Variants in DCT observed in about 807,000 individuals in gnomAD.
DCT encodes L-dopachrome tautomerase.
In DCT, 47 loss-of-function variants were observed where a neutral mutation model predicts 53.0. The ratio of observed to expected loss-of-function variants is 0.89; its 90% CI spans 0.70 to 1.13. The LOEUF (loss-of-function observed/expected upper bound fraction) is 1.13, where lower values mean the gene tolerates loss of function less well. Among genes scored for constraint, DCT ranks in the 50% most tolerant of loss-of-function variants. The probability of loss-of-function intolerance (pLI) is 0.00; values close to 1 mark genes in which losing one functional copy is unlikely to be tolerated. For missense variants in DCT, 669 were observed against 637.4 expected, an observed-to-expected ratio of 1.05 and a Z score of -0.53; for synonymous variants, 244 against 237.0, an observed-to-expected ratio of 1.03 and a Z score of -0.27.
intron 6 of DCT, among the ~76,000 whole-genome samples, chr13:94,453,540 T>C (rs1291584319): frequency 6.6e-6 from 1 of 152,216 alleles, no homozygotes; most frequent in Non-Finnish European, 1.5e-5. Context: ...TTTAAATGTT[T>C]CACTCTTGGG....
At chr13:94,475,776 T>C (rs980251331) in intron 1 of DCT, among the ~76,000 whole-genome samples, 1 of 152,254 alleles carries the variant, frequency 6.6e-6, no homozygotes, top group African/African-American at 2.4e-5. Flanking sequence ...GCAACACAAC[T>C]GTATAGGTAT....
the DCT span, among the ~76,000 whole-genome samples, chr13:94,503,254 C>G: frequency 6.6e-6 from 1 of 151,934 alleles, no homozygotes; most frequent in South Asian, 2.1e-4. Flanking sequence ...GTGGTGCATG[C>G]CTGTAGTCCC....
chr13:94,470,252 T>G (rs527972408), intron 1 of DCT, among the ~76,000 whole-genome samples: 1 of 152,330 alleles, frequency 6.6e-6, no homozygotes, highest in East Asian at 1.9e-4. Flanking sequence ...TGTCAAGTCC[T>G]CAGGGTGAAT....
rs920683061 is a variant in DCT, at chr13:94,437,903, G to A, written c.*1995C>T. The A allele has an allele frequency of 2.6e-5, 4 of 151,964 alleles. No individual in the cohort carries two copies. The highest frequency in any genetic ancestry group is 2.1e-4 in the South Asian group (1 of 4,820). The allele number at this position is 151,964 out of a possible 1,614,324, so 9.4% of individuals were successfully genotyped here. ...CAGATAAAAGCAGCTAAGTATAATC[G>A]ATTACTATTTTTTCCTACCTAAGAT... On this transcript the variant is annotated 3_prime_UTR_variant, in exon 8 of 8. Transcript: ENST00000377028.
At position 94,438,332 on chromosome 13, in the gene DCT, T is replaced by C. The variant is rs950086746; in HGVS notation, c.*1566A>G. The C allele has an allele frequency of 5.0e-6, 1 of 201,080 alleles. No homozygotes were observed. 12.5% of individuals were successfully genotyped at this position (201,080 alleles called of 1,614,324 possible). ...GCCCAAGCAGGGCTTTACCGGGCTA[T>C]CTTGATCTTCACCACTGAGCCTGCT... is the stretch of plus-strand genomic sequence containing the variant. On this transcript the variant is annotated 3_prime_UTR_variant, in exon 8 of 8. Coordinates refer to ENST00000377028, the MANE Select transcript of DCT (RefSeq NM_001922.5).
At chr13:94,476,925 T>G (rs1197485286) in intron 1 of DCT, among the ~76,000 whole-genome samples, 1 of 152,202 alleles carries the variant, frequency 6.6e-6, no homozygotes. Flanking sequence ...AGAGAAGGTC[T>G]ATAGAAGCAA....
the DCT span, among the ~76,000 whole-genome samples, chr13:94,537,302 C>A: frequency 1.3e-5 from 2 of 152,206 alleles, no homozygotes; most frequent in African/African-American, 4.8e-5. Flanking sequence ...GTTCTTCAAA[C>A]CTTCCATTTA....
chr13:94,468,564 C>G, intron 2 of DCT, 182 bp downstream of exon 2: 1 of 617,524 alleles, frequency 1.6e-6, no homozygotes, highest in Non-Finnish European at 2.9e-6. Flanking sequence ...ATCCAATGCA[C>G]AGGAAGAAAC....
chr13:94,451,679 T>C (rs971058928), intron 6 of DCT, among the ~76,000 whole-genome samples: 6 of 152,094 alleles, frequency 3.9e-5, no homozygotes, highest in African/African-American at 1.4e-4. Context: ...AATAGGACAT[T>C]CTCCTCACAA....
chr13:94,531,369 C>T, the DCT span, among the ~76,000 whole-genome samples: 1 of 152,218 alleles, frequency 6.6e-6, no homozygotes. Context: ...CTGGAGGCAT[C>T]AGGCTACCTG....
At chr13:94,490,533 A>C in the DCT span, among the ~76,000 whole-genome samples, 2 of 141,814 alleles carry the variant, frequency 1.4e-5, no homozygotes, top group Admixed American at 7.1e-5. Flanking sequence ...AAAAAAAAAC[A>C]ACTAACCATG....
At chr13:94,488,764 ACACACG>A in the DCT span, among the ~76,000 whole-genome samples, 12 of 112,596 alleles carry the variant, frequency 1.1e-4, no homozygotes, top group South Asian at 2.8e-4. Flanking sequence ...ACACACACAC[ACACACG>A]CCATATATAT....
chr13:94,499,415 G>A, the DCT span, among the ~76,000 whole-genome samples: 2 of 151,992 alleles, frequency 1.3e-5, no homozygotes, highest in East Asian at 3.9e-4. Context: ...AAAGATATAT[G>A]CTCCCATTCC....
At chr13:94,470,206 C>T (rs542410498) in intron 1 of DCT, among the ~76,000 whole-genome samples, 2 of 152,178 alleles carry the variant, frequency 1.3e-5, no homozygotes, top group African/African-American at 2.4e-5. Flanking sequence ...ACTTATTTCA[C>T]GAAGTTGACA....
chr13:94,512,569 A>T, the DCT span, among the ~76,000 whole-genome samples: 2 of 152,254 alleles, frequency 1.3e-5, no homozygotes, highest in African/African-American at 4.8e-5. Flanking sequence ...TTAGTGAAAC[A>T]CATGTAGTAT....
the DCT span, among the ~76,000 whole-genome samples, chr13:94,544,028 C>T: frequency 1.7e-5 from 2 of 114,652 alleles, no homozygotes; most frequent in Non-Finnish European, 2.0e-5. Flanking sequence ...GAGCAAGACT[C>T]TGTCTCAAAA....
the DCT span, among the ~76,000 whole-genome samples, chr13:94,524,620 C>A: frequency 9.2e-5 from 14 of 152,128 alleles, no homozygotes; most frequent in Admixed American, 8.5e-4. Flanking sequence ...GCATTTTGTG[C>A]GCATGTGCAG....
Position 94,468,806 on chromosome 13 carries a change from A to T in DCT, c.535T>A (p.Cys179Ser). 6.2e-7 allele frequency: 1 copy of T among 1,614,222 alleles called. No homozygotes were observed. ...CACACAAAAAAATCATAAACACTGC[A>T]GTTGGCAAACTGCGGCTGGGTTCCA... ...PNGTQPQFAN[C>S]SVYDFFVWLH... Residue 179 changes from cysteine (C) to serine (S), a missense_variant, in exon 2 of 8, where the codon TGC (cysteine) becomes AGC (serine). By Grantham distance (112) the Cys-to-Ser change is moderately radical. Coordinates refer to ENST00000377028, the MANE Select transcript of DCT (RefSeq NM_001922.5).
the DCT span, among the ~76,000 whole-genome samples, chr13:94,541,272 G>T: frequency 6.6e-6 from 1 of 152,234 alleles, no homozygotes; most frequent in Non-Finnish European, 1.5e-5. Context: ...GGGAGGCCGC[G>T]GCAGGTGGAT....
Sources: gnomAD v4.1 joint callset for allele counts (sites outside exome capture counted in the v4.1 genomes callset) on GRCh38, gnomAD v4.1.1 for gene constraint, MANE v1.5 for transcripts, NCBI Gene and HGNC (gene_info 2026-07-23, HGNC 2026-07-21) for gene names.